DTL: variants seen among roughly 807,000 people sequenced by gnomAD.
DTL encodes denticleless E3 ubiquitin protein ligase adapter.
Under a neutral mutation model 87.0 loss-of-function variants are expected in DTL, and 46 were observed. That is an observed-to-expected ratio of 0.53 (90% CI 0.42 to 0.68). The LOEUF (loss-of-function observed/expected upper bound fraction) is 0.68, where lower values mean the gene tolerates loss of function less well. Ranked by LOEUF, DTL falls within the 30% of genes least tolerant of loss-of-function variation. The pLI is 0.00. For synonymous variants in DTL, 308 were observed against 311.2 expected (o/e 0.99, Z 0.11); for missense variants, 737 against 869.4 (o/e 0.85, Z 1.91).
In DTL at chr1:212,080,707, G is replaced by A; in HGVS notation, c.1218G>A (p.Val406=). Reference sequence around the variant, plus strand: ...CAGGAGGTGATAAACTTTCCACGGTGGGTTGGGCCTCTCAGAAGAAAAAAG... The same window carrying A: ...CAGGAGGTGATAAACTTTCCACGGTAGGTTGGGCCTCTCAGAAGAAAAAAG... The part of the protein sequence containing the change: ...EKPGGDKLST[V]GWASQKKKES... The change falls in exon 13 of 15, where the codon GTG becomes GTA. Residue 406 remains valine (V), a synonymous_variant. Coordinates refer to ENST00000366991, the MANE Select transcript of DTL (RefSeq NM_016448.4). 2 of 1,613,682 alleles carry A rather than the reference G, an allele frequency of 1.2e-6. No individual in the cohort carries two copies. The highest frequency in any genetic ancestry group is 1.7e-6 in the Non-Finnish European group (2 of 1,179,662).
rs1183421995 is a variant in DTL, at chr1:212,100,475, A to C, written c.1485A>C (p.Ser495=). The C allele has an allele frequency of 6.2e-7, 1 of 1,613,964 alleles. No homozygotes were observed. Among genetic ancestry groups the C allele is most frequent in the Admixed American group, 1.7e-5 (1 of 60,014 alleles). ...SVSSVSPKPP[S]SFKMSIRNWV... is the part of the protein sequence containing the mutation. The stretch of plus-strand genomic sequence containing the variant: ...CCTCCGTCTCTCCCAAGCCACCTTC[A>C]TCTTTCAAGATGTCGATTAGAAACT... The change falls in exon 14 of 15, where the codon TCA becomes TCC. Residue 495 remains serine, a synonymous_variant. Coordinates refer to ENST00000366991, the MANE Select transcript of DTL (RefSeq NM_016448.4).
At chr1:212,037,042 C>G (rs1235634383) in intron 1 of DTL, among the ~76,000 whole-genome samples, 1 of 152,192 alleles carries the variant, frequency 6.6e-6, no homozygotes, top group African/African-American at 2.4e-5. Flanking sequence ...CTCTTTCTGT[C>G]TCTCCTGGGA....
At chr1:212,088,429 C>T (rs1483658801) in intron 13 of DTL, among the ~76,000 whole-genome samples, 3 of 152,144 alleles carry the variant, frequency 2.0e-5, no homozygotes, top group South Asian at 2.1e-4. Context: ...TAGCTGCCCT[C>T]GAGGCTCACA....
rs1231546330 is a variant in DTL, at chr1:212,100,410, G to T, written c.1420G>T (p.Ala474Ser). ...TPTFSIKTSP[A>S]KARSPINRRG... ...TACGTTCTCTATTAAAACCTCTCCT[G>T]CCAAGGCCCGGTCTCCCATCAACAG... is the stretch of plus-strand genomic sequence containing the variant. The change falls in exon 14 of 15, where the codon GCC (alanine) becomes TCC (serine). Residue 474 changes from alanine to serine, a missense_variant. Physicochemically the swap from Ala to Ser is moderately conservative, Grantham distance 99. Transcript: ENST00000366991. 14 of 1,613,694 alleles carry T rather than the reference G, an allele frequency of 8.7e-6. No homozygotes were observed. The highest frequency in any genetic ancestry group is 1.0e-5 in the Non-Finnish European group (12 of 1,179,964).
intron 13 of DTL, among the ~76,000 whole-genome samples, 177 bp downstream of exon 13, chr1:212,080,927 C>T (rs1488745022): frequency 6.6e-6 from 1 of 152,136 alleles, no homozygotes; most frequent in East Asian, 1.9e-4. Flanking sequence ...TTATCATTTA[C>T]ACAAGGTACT....
rs774508328 is a variant in DTL, at chr1:212,101,068, A to G, written c.2078A>G (p.Lys693Arg). 6.8e-6 allele frequency: 11 copies of G among 1,608,128 alleles called. No individual in the cohort carries two copies. Among genetic ancestry groups the G allele is most frequent in the African/African-American group, 1.3e-5 (1 of 74,740 alleles). The change falls in exon 14 of 15, where the codon AAG (lysine) becomes AGG (arginine). Residue 693 changes from lysine to arginine, a missense_variant. Transcript: ENST00000366991. ...QTPNSRRQSG[K>R]KLPSPVTITP... Reference sequence around the variant, plus strand: ...CCCAATTCCAGGAGACAGAGCGGAAAGAAATTGCCAAGCCCGGTAAGTCAG... The same window carrying G: ...CCCAATTCCAGGAGACAGAGCGGAAGGAAATTGCCAAGCCCGGTAAGTCAG...
chr1:212,063,012 AAG>A, intron 6 of DTL, 63 bp downstream of exon 6: 3 of 1,289,720 alleles, frequency 2.3e-6, no homozygotes, highest in Admixed American at 3.4e-5. Flanking sequence ...TTTTGAGTGA[AAG>A]AGTTAGTGAT....
chr1:212,080,336 A>G, intron 12 of DTL: 1 of 241,776 alleles, frequency 4.1e-6, no homozygotes, highest in Middle Eastern at 1.3e-3. Flanking sequence ...GATGATAAAG[A>G]GCCAGAACTT....
At chr1:212,068,384 A>C in intron 9 of DTL, 57 bp downstream of exon 9, 1 of 1,240,486 alleles carries the variant, frequency 8.1e-7, no homozygotes, top group South Asian at 1.4e-5. Context: ...AAAAAAAAAA[A>C]AAAGGCTAAT....
intron 5 of DTL, among the ~76,000 whole-genome samples, chr1:212,057,342 A>G (rs557141147): frequency 7.4e-5 from 10 of 135,778 alleles, no homozygotes; most frequent in Non-Finnish European, 1.6e-4. Flanking sequence ...ATGAGATGAT[A>G]TATTCAACAT....
intron 13 of DTL, among the ~76,000 whole-genome samples, chr1:212,094,973 G>A (rs1311841835): frequency 6.6e-6 from 1 of 152,150 alleles, no homozygotes; most frequent in African/African-American, 2.4e-5. Flanking sequence ...TCATTTATCA[G>A]ATCTAGGAGC....
rs1571957098 is a variant in DTL, at chr1:212,063,921, C to T, written c.526+972C>T. On this transcript the variant is annotated intron_variant, in intron 6 of 14. Transcript: ENST00000366991. ...TTTTTTTTTTTTTTGGAGACGGAGT[C>T]TCACTCTGTCACCCAGGCTGGAGTG... 2.1e-5 allele frequency among the ~76,000 whole-genome samples: 3 copies of T among 140,938 alleles called. No individual in the cohort carries two copies. The South Asian group carries it at 6.7e-4, about 32-fold the overall frequency. The allele number at this position is 140,938 out of a possible 152,430, so 92.5% of individuals were successfully genotyped here.
rs767086824 is a variant in DTL at position 212,066,936 on chromosome 1, T to C, written c.713+51T>C. ...CGACGAGATCTTTTTTATGAGATTG[T>C]GATGAGGCAGTCACATAGTCTCATT... On this transcript the variant is annotated intron_variant, in intron 8 of 14. Coordinates refer to ENST00000366991, the MANE Select transcript of DTL (RefSeq NM_016448.4). 2.4e-5 allele frequency: 35 copies of C among 1,453,516 alleles called. 1 individual carries two copies. The highest frequency in any genetic ancestry group is 3.4e-5 in the Non-Finnish European group (35 of 1,038,666). The allele number at this position is 1,453,516 out of a possible 1,614,324, so 90.0% of individuals were successfully genotyped here.
Position 212,078,229 on chromosome 1 carries a change from G to A in DTL, c.1092G>A (p.Thr364=), listed in dbSNP as rs530685779. 1.1e-5 allele frequency: 18 copies of A among 1,612,372 alleles called. No homozygotes were observed. The Admixed American group carries it at 1.7e-4, about 15-fold the overall frequency. Residue 364 remains threonine (T), a synonymous_variant, in exon 12 of 15, where the codon ACG becomes ACA. Transcript: ENST00000366991. The stretch of plus-strand genomic sequence containing the variant: ...TCCTGGGTCATTCTCAAGAGGTCAC[G>A]TCTGTGTGCTGGTGTCCATCTGACT... ...TVLLGHSQEV[T]SVCWCPSDFT... is the part of the protein sequence containing the mutation.
At chr1:212,043,758 AG>A (rs1049689722) in intron 2 of DTL, among the ~76,000 whole-genome samples, 12 of 150,070 alleles carry the variant, frequency 8.0e-5, no homozygotes, top group Non-Finnish European at 1.8e-4. Context: ...TGAACCTGAG[AG>A]GCAGAGGTTG....
rs767326757 is a variant in DTL at position 212,078,156 on chromosome 1, G to A, written c.1036-17G>A. The A allele has an allele frequency of 6.6e-6, 10 of 1,513,556 alleles. No individual in the cohort carries two copies. In the Admixed American group the frequency reaches 1.5e-4, roughly 23 times the overall value. The allele number at this position is 1,513,556 out of a possible 1,614,324, so 93.8% of individuals were successfully genotyped here. On this transcript the variant is annotated splice_polypyrimidine_tract_variant and intron_variant, in intron 11 of 14. Coordinates refer to ENST00000366991, the MANE Select transcript of DTL (RefSeq NM_016448.4). Reference sequence around the variant, plus strand: ...CTAATATTGCTTTGCTGACTTGTTTGTTTTTGATTGGACTAGGTCTCCACA... The same window carrying A: ...CTAATATTGCTTTGCTGACTTGTTTATTTTTGATTGGACTAGGTCTCCACA...
At position 212,066,835 on chromosome 1, in the gene DTL, G is replaced by A; in HGVS notation, c.663G>A (p.Val221=). Reference sequence around the variant, plus strand: ...AGGATTTCCAGCAAAGTGTTACTGTGGTCCTCTTTCAAGACGAGAATACCT... The same window carrying A: ...AGGATTTCCAGCAAAGTGTTACTGTAGTCCTCTTTCAAGACGAGAATACCT... The part of the protein sequence containing the change: ...PSVDFQQSVT[V]VLFQDENTLV... Residue 221 remains valine (V), a synonymous_variant, in exon 8 of 15, where the codon GTG becomes GTA. Transcript: ENST00000366991. 2 of 1,613,840 alleles carry A rather than the reference G, an allele frequency of 1.2e-6. No homozygotes were observed. The highest frequency in any genetic ancestry group is 8.5e-7 in the Non-Finnish European group (1 of 1,179,814).
chr1:212,060,357 C>T (rs1206791239), intron 5 of DTL, among the ~76,000 whole-genome samples: 2 of 152,044 alleles, frequency 1.3e-5, no homozygotes, highest in Admixed American at 6.6e-5. Flanking sequence ...ATAAAGGTGC[C>T]AAGAACCTAC....
chr1:212,040,184 TTTTTC>T (rs1232081266), intron 1 of DTL, among the ~76,000 whole-genome samples: 1 of 151,400 alleles, frequency 6.6e-6, no homozygotes, highest in African/African-American at 2.4e-5. Flanking sequence ...ATTTTAAATG[TTTTTC>T]TTTTCTTAAC....
Sources: allele counts gnomAD v4.1 joint callset (sites outside exome capture counted in the v4.1 genomes callset), GRCh38; gene constraint gnomAD v4.1.1; transcripts MANE v1.5; gene names NCBI Gene and HGNC (gene_info 2026-07-23, HGNC 2026-07-21).